ERAP1: variants seen among roughly 807,000 people sequenced by gnomAD.
ERAP1 encodes the protein adipocyte-derived leucine aminopeptidase.
ERAP1 carries 86 observed loss-of-function variants against 103.7 expected under a neutral mutation model. That is an observed-to-expected ratio of 0.83 (90% confidence interval 0.70 to 0.99). The LOEUF is 0.99. Ranked by LOEUF, ERAP1 falls within the 50% of genes least tolerant of loss-of-function variation. The probability of loss-of-function intolerance (pLI) is 0.00; values close to 1 mark genes in which losing one functional copy is unlikely to be tolerated. For missense variants in ERAP1, 1,009 were observed against 1,128.4 expected (o/e 0.89, Z 1.52); for synonymous variants, 398 against 402.4 (o/e 0.99, Z 0.13).
chr5:96,908,376 A>G, the ERAP1 span, among the ~76,000 whole-genome samples: 1 of 152,222 alleles, frequency 6.6e-6, no homozygotes, highest in Non-Finnish European at 1.5e-5. Flanking sequence ...TCTTCTCACT[A>G]GAAGAAAACG....
chr5:96,888,702 T>C, the ERAP1 span, among the ~76,000 whole-genome samples: 187 of 152,364 alleles, frequency 1.2e-3, 1 homozygote, highest in African/African-American at 4.4e-3. Context: ...GGGGGAGCCA[T>C]TGAACATATT....
intron 10 of ERAP1, 30 bp from the exon 11 acceptor site, chr5:96,788,715 C>G (rs1229668926): frequency 1.2e-6 from 2 of 1,611,152 alleles, no homozygotes; most frequent in Admixed American, 3.3e-5. Context: ...GCAGACACAT[C>G]ACCCATTTAA....
chr5:96,901,475 CTTGAG>C, the ERAP1 span: 10 of 1,608,922 alleles, frequency 6.2e-6, no homozygotes, highest in South Asian at 1.1e-5. Context: ...TCTCCTCTCT[CTTGAG>C]TTATCATAGT....
intron 11 of ERAP1, 80 bp downstream of exon 11, chr5:96,788,451 A>C: frequency 6.5e-7 from 1 of 1,538,824 alleles, no homozygotes; most frequent in Admixed American, 1.7e-5. Flanking sequence ...TGGTAAGGGC[A>C]TTATTTCAAA....
the ERAP1 span, among the ~76,000 whole-genome samples, chr5:96,908,364 ATTC>A: frequency 3.3e-5 from 5 of 152,236 alleles, no homozygotes; most frequent in Non-Finnish European, 7.3e-5. Context: ...CCTGTTATTT[ATTC>A]TTCTCACTAG....
chr5:96,785,493 A>C, intron 13 of ERAP1: 1 of 406,142 alleles, frequency 2.5e-6, no homozygotes, highest in East Asian at 5.6e-5. Context: ...GGGACAAGGC[A>C]AGGAGTTTCG....
chr5:96,771,779 A>AG (rs1296403814), downstream of ERAP1: 2 of 857,362 alleles, frequency 2.3e-6, no homozygotes, highest in African/African-American at 3.4e-5. Flanking sequence ...AGAGAAGTGA[A>AG]GTCCACCTCT....
At chr5:96,883,829 C>A in the ERAP1 span, 11 of 1,613,280 alleles carry the variant, frequency 6.8e-6, no homozygotes, top group African/African-American at 1.5e-4. Context: ...AACCCAGGCA[C>A]GCATGGCTTT....
chr5:96,775,257 T>A lies in ERAP1; in HGVS notation c.*1139A>T. On this transcript the variant is annotated 3_prime_UTR_variant, in exon 19 of 19. Transcript: ENST00000443439. The stretch of plus-strand genomic sequence containing the variant: ...TGTGCTGAAGCAACCGTGTGTGAAG[T>A]CTTCACAAAAGAAAGAAAGACTTCA... The A allele has an allele frequency of 1.1e-6, 1 of 893,654 alleles. No homozygotes were observed. Among genetic ancestry groups the A allele is most frequent in the Non-Finnish European group, 1.3e-6 (1 of 785,906 alleles). 55.4% of individuals were successfully genotyped at this position (893,654 alleles called of 1,614,324 possible).
the ERAP1 span, chr5:96,881,502 G>A: frequency 2.2e-6 from 1 of 456,062 alleles, no homozygotes; most frequent in Non-Finnish European, 4.4e-6. Flanking sequence ...CTGGCTCAGT[G>A]CACTCTCACG....
At chr5:96,876,801 T>A in the ERAP1 span, among the ~76,000 whole-genome samples, 1 of 152,150 alleles carries the variant, frequency 6.6e-6, no homozygotes, top group Admixed American at 6.5e-5. Context: ...AATCCCAGGA[T>A]GTTTTGTTCA....
chr5:96,822,700 AC>A, the ERAP1 span, among the ~76,000 whole-genome samples: 152,286 of 152,286 alleles, frequency 1, 76,143 homozygotes, highest in Non-Finnish European at 1. Context: ...ACATAGCAAG[AC>A]CCCCATTTGT....
At chr5:96,762,819 C>T (rs373970697) in exon 20 of ERAP1, 22 of 271,472 alleles carry the variant, frequency 8.1e-5, no homozygotes, top group Non-Finnish European at 1.4e-4. Context: ...ATTTTACAAA[C>T]GTCATGGAAT....
the ERAP1 span, among the ~76,000 whole-genome samples, chr5:96,855,310 G>A: frequency 2.6e-5 from 4 of 152,158 alleles, no homozygotes; most frequent in East Asian, 1.9e-4. Context: ...TAATGATAAG[G>A]AATGTTCTAA....
the ERAP1 span, among the ~76,000 whole-genome samples, chr5:96,890,955 G>A: frequency 6.6e-6 from 1 of 152,122 alleles, no homozygotes; most frequent in Non-Finnish European, 1.5e-5. Flanking sequence ...TAAGACTAAC[G>A]GAAAAGAAGC....
At chr5:96,896,673 A>G in the ERAP1 span, 1 of 1,504,386 alleles carries the variant, frequency 6.6e-7, no homozygotes, top group Non-Finnish European at 8.9e-7. Flanking sequence ...TCCTTTAAAA[A>G]CATACCATAC....
At chr5:96,911,168 T>G in the ERAP1 span, among the ~76,000 whole-genome samples, 1 of 152,224 alleles carries the variant, frequency 6.6e-6, no homozygotes, top group Non-Finnish European at 1.5e-5. Context: ...TTTTCTGAGA[T>G]TTATTTCCGC....
the ERAP1 span, among the ~76,000 whole-genome samples, chr5:96,819,952 C>T: frequency 2.6e-5 from 4 of 152,024 alleles, no homozygotes; most frequent in East Asian, 1.9e-4. Context: ...ATAATTTTGC[C>T]GAGACGTAGG....
chr5:96,851,263 T>C, the ERAP1 span, among the ~76,000 whole-genome samples: 1 of 152,326 alleles, frequency 6.6e-6, no homozygotes, highest in East Asian at 1.9e-4. Context: ...ATTCTGTCCC[T>C]GTTGAAATAT....
Sources: allele counts gnomAD v4.1 joint callset (sites outside exome capture counted in the v4.1 genomes callset), GRCh38; gene constraint gnomAD v4.1.1; transcripts MANE v1.5; gene names NCBI Gene and HGNC (gene_info 2026-07-23, HGNC 2026-07-21).